Variants in SOX6 observed in about 807,000 individuals in gnomAD.
The protein encoded by SOX6 is transcription factor SOX-6.
SOX6 carries 11 observed loss-of-function variants against 97.8 expected under a neutral mutation model. That is an observed-to-expected ratio of 0.11 (90% CI 0.07 to 0.19). The LOEUF (loss-of-function observed/expected upper bound fraction) is 0.19, where lower values mean the gene tolerates loss of function less well. Ranked by LOEUF, SOX6 falls within the 10% of genes least tolerant of loss-of-function variation. The pLI, the probability that SOX6 is intolerant of heterozygous loss-of-function variation, is 1.00. For missense variants in SOX6, 810 were observed against 1,039.5 expected (o/e 0.78, Z 3.04); for synonymous variants, 360 against 371.4 (o/e 0.97, Z 0.35).
At chr11:16,127,528 G>A (rs1849637379) in intron 6 of SOX6, among the ~76,000 whole-genome samples, 1 of 152,070 alleles carries the variant, frequency 6.6e-6, no homozygotes, top group East Asian at 1.9e-4. Context: ...TGTCAAAAAT[G>A]TTAGGAAGAA....
At chr11:16,533,224 T>C (rs1366162284) in intron 4 of SOX6, among the ~76,000 whole-genome samples, 1 of 151,916 alleles carries the variant, frequency 6.6e-6, no homozygotes, top group Non-Finnish European at 1.5e-5. Flanking sequence ...ATAATATCAG[T>C]ACCTTGCAAT....
Position 16,036,918 on chromosome 11 carries a change from A to C in SOX6, c.1623+9596T>G, listed in dbSNP as rs539868108. ...GCATTGTCTTGAGAAGTTTTGTGAA[A>C]ACTTAGGAAAACAGTTTAGAATCTA... On this transcript the variant is annotated intron_variant, in intron 12 of 15. Transcript: ENST00000683767. 5.9e-5 allele frequency among the ~76,000 whole-genome samples: 9 copies of C among 152,300 alleles called. No homozygotes were observed. The South Asian group carries it at 1.9e-3, about 32-fold the overall frequency.
At chr11:16,413,038 G>A (rs933280077) in intron 1 of SOX6, among the ~76,000 whole-genome samples, 1 of 152,220 alleles carries the variant, frequency 6.6e-6, no homozygotes, top group Admixed American at 6.5e-5. Context: ...AACAAATGCT[G>A]CATAGTGAAA....
chr11:16,118,807 T>C (rs770671730), intron 6 of SOX6, among the ~76,000 whole-genome samples: 8 of 152,220 alleles, frequency 5.3e-5, no homozygotes, highest in Non-Finnish European at 1.0e-4. Context: ...ATCATGTGCA[T>C]ATTAATGTCT....
In SOX6 at chr11:16,499,637, G is replaced by T. The variant is rs564910446; in HGVS notation, n.610-23249C>A. Among the ~76,000 whole-genome samples the T allele has an allele frequency of 4.6e-5, 7 of 152,190 alleles. No homozygotes were observed. In the South Asian group the frequency reaches 1.5e-3, roughly 32 times the overall value. On this transcript the variant is annotated intron_variant and non_coding_transcript_variant, in intron 4 of 5. Coordinates refer to the SOX6 transcript ENST00000524520. ...AAACGATAAAAGGAATATCACCACC[G>T]ATCCCACAGAAATACAAACTACCAT...
chr11:16,078,219 G>T (rs1177488118), intron 9 of SOX6, among the ~76,000 whole-genome samples: 1 of 152,130 alleles, frequency 6.6e-6, no homozygotes, highest in Non-Finnish European at 1.5e-5. Flanking sequence ...CTCTGAATTT[G>T]CTCCAAGTGG....
intron 6 of SOX6, among the ~76,000 whole-genome samples, chr11:16,132,393 AGAAAGAAAAAAG>A (rs1359208241): frequency 3.2e-3 from 261 of 82,530 alleles, no homozygotes; most frequent in Middle Eastern, 5.1e-3. Flanking sequence ...AAAGAAAGAA[AGAAAGAAAAAAG>A]AAAGAAAGAA....
At chr11:16,049,287 A>G (rs1847623079) in intron 11 of SOX6, among the ~76,000 whole-genome samples, 1 of 152,146 alleles carries the variant, frequency 6.6e-6, no homozygotes, top group East Asian at 1.9e-4. Flanking sequence ...CTTTTCCTAC[A>G]TATCAATAGT....
intron 10 of SOX6, among the ~76,000 whole-genome samples, chr11:16,054,500 C>A (rs1330767576): frequency 6.6e-6 from 1 of 152,046 alleles, no homozygotes; most frequent in African/African-American, 2.4e-5. Flanking sequence ...AAATTAATTC[C>A]TTTGGCTGGA....
intron 6 of SOX6, among the ~76,000 whole-genome samples, chr11:16,127,629 T>TA: frequency 6.6e-6 from 1 of 152,286 alleles, no homozygotes; most frequent in South Asian, 2.1e-4. Flanking sequence ...CATTATTCCC[T>TA]AAAATCTTAT....
At chr11:16,042,719 TAC>T (rs1213478453) in intron 12 of SOX6, among the ~76,000 whole-genome samples, 2 of 152,164 alleles carry the variant, frequency 1.3e-5, no homozygotes, top group Non-Finnish European at 2.9e-5. Context: ...TCTTTTACTC[TAC>T]AGTTTTAATT....
At chr11:16,474,559 G>A (rs1299470350) in intron 1 of SOX6, among the ~76,000 whole-genome samples, 1 of 152,150 alleles carries the variant, frequency 6.6e-6, no homozygotes, top group Admixed American at 6.5e-5. Context: ...CATTATCAAT[G>A]AGAAATAACA....
intron 4 of SOX6, among the ~76,000 whole-genome samples, chr11:16,502,976 A>G (rs1173539658): frequency 6.6e-6 from 1 of 152,194 alleles, no homozygotes; most frequent in African/African-American, 2.4e-5. Flanking sequence ...AGTGCCCAGT[A>G]ACTTAGAAAA....
chr11:16,545,394 TG>T (rs1404283188), intron 4 of SOX6, among the ~76,000 whole-genome samples: 1 of 150,208 alleles, frequency 6.7e-6, no homozygotes, highest in Non-Finnish European at 1.5e-5. Flanking sequence ...AAAAGGCATT[TG>T]ATAAAATTCA....
chr11:16,630,519 A>G (rs1390677194), intron 3 of SOX6, among the ~76,000 whole-genome samples: 1 of 151,976 alleles, frequency 6.6e-6, no homozygotes, highest in Non-Finnish European at 1.5e-5. Flanking sequence ...CATGTGGTTG[A>G]TCTTGGAGTA....
intron 3 of SOX6, among the ~76,000 whole-genome samples, chr11:16,633,522 G>C (rs1824967856): frequency 1.3e-5 from 2 of 152,206 alleles, no homozygotes; most frequent in African/African-American, 4.8e-5. Flanking sequence ...TAAAAGCAGA[G>C]TTGAAACTTG....
chr11:16,619,598 C>A (rs1848515309), intron 3 of SOX6, among the ~76,000 whole-genome samples: 1 of 151,834 alleles, frequency 6.6e-6, no homozygotes, highest in Non-Finnish European at 1.5e-5. Flanking sequence ...ACTTCTGATA[C>A]TTTTATATTA....
intron 2 of SOX6, among the ~76,000 whole-genome samples, chr11:16,729,724 T>C (rs906865744): frequency 6.6e-6 from 1 of 151,966 alleles, no homozygotes; most frequent in African/African-American, 2.4e-5. Context: ...AATTCACACA[T>C]AATATTAACC....
At chr11:16,625,706 G>A (rs1361511655) in intron 3 of SOX6, among the ~76,000 whole-genome samples, 1 of 152,164 alleles carries the variant, frequency 6.6e-6, no homozygotes, top group East Asian at 1.9e-4. Context: ...ATGTAGTGAA[G>A]CCTTCCCAAA....
Sources: gnomAD v4.1 joint callset for allele counts (sites outside exome capture counted in the v4.1 genomes callset) on GRCh38, gnomAD v4.1.1 for gene constraint, MANE v1.5 for transcripts, NCBI Gene and HGNC (gene_info 2026-07-23, HGNC 2026-07-21) for gene names.